Variants in MYH13 observed in about 807,000 individuals in gnomAD.
MYH13 encodes myosin heavy chain 13.
A neutral mutation model predicts 232.1 loss-of-function variants in MYH13; 177 were observed. That is an observed-to-expected ratio of 0.76 (90% CI 0.67 to 0.86). The LOEUF (loss-of-function observed/expected upper bound fraction) is 0.86, where lower values mean the gene tolerates loss of function less well. MYH13 is among the 40% of genes least tolerant of loss of function. MYH13 has a pLI of 0.00. For missense variants in MYH13, 2,246 were observed against 2,405.9 expected, an observed-to-expected ratio of 0.93 and a Z score of 1.39; for synonymous variants, 884 against 923.5, an observed-to-expected ratio of 0.96 and a Z score of 0.78.
At chr17:10,345,108 T>C (rs1417304516) in intron 15 of MYH13, 94 bp downstream of exon 15, 13 of 1,600,118 alleles carry the variant, frequency 8.1e-6, no homozygotes. Flanking sequence ...GCCTGGGGGC[T>C]AGGGGCCCCA....
intron 22 of MYH13, among the ~76,000 whole-genome samples, chr17:10,326,372 A>C (rs1165969416): frequency 6.6e-6 from 1 of 152,252 alleles, no homozygotes; most frequent in Non-Finnish European, 1.5e-5. Context: ...AAAAGGTAAA[A>C]GTATTTGGGG....
chr17:10,362,172 C>A lies in MYH13; in HGVS notation c.451G>T (p.Ala151Ser), dbSNP rs775424015. ...AAYRGKKRQE[A>S]PPHIFSISDN... ...GAGATGGAGAAGATGTGGGGCGGGG[C>A]CTCCTGGCGCTTTTTGCCTCTGTAG... is the stretch of plus-strand genomic sequence containing the variant. Residue 151 changes from alanine (A) to serine (S), a missense_variant, in exon 5 of 41, where the codon GCC (alanine) becomes TCC (serine). By Grantham distance (99) the Ala-to-Ser change is moderately conservative. Coordinates refer to ENST00000252172, the MANE Select transcript of MYH13 (RefSeq NM_003802.3). 3 of 1,613,742 alleles carry A rather than the reference C, an allele frequency of 1.9e-6. No homozygotes were observed. The highest frequency in any genetic ancestry group is 2.5e-6 in the Non-Finnish European group (3 of 1,179,882).
At chr17:10,349,613 G>A (rs1391012411) in intron 12 of MYH13, among the ~76,000 whole-genome samples, 1 of 152,018 alleles carries the variant, frequency 6.6e-6, no homozygotes, top group Non-Finnish European at 1.5e-5. Flanking sequence ...TGGTGTACAT[G>A]CCTTGTATAA....
In MYH13 at chr17:10,330,374, G is replaced by A. The variant is rs774467740; in HGVS notation, c.2435+13C>T. ...AGAGGGCAGGATAAGGTGGAGGTGA[G>A]GGTCTGTGTCACCTCCTCTCCATCA... On this transcript the variant is annotated intron_variant, in intron 21 of 40. Coordinates refer to ENST00000252172, the MANE Select transcript of MYH13 (RefSeq NM_003802.3). 1 of 1,613,396 alleles carries A rather than the reference G, an allele frequency of 6.2e-7. No individual in the cohort carries two copies. Among genetic ancestry groups the A allele is most frequent in the Non-Finnish European group, 8.5e-7 (1 of 1,179,702 alleles).
At chr17:10,327,833 TGTG>T (rs775865107) in intron 22 of MYH13, 30 bp downstream of exon 22, 23 of 1,596,702 alleles carry the variant, frequency 1.4e-5, no homozygotes, top group Non-Finnish European at 2.0e-5. Flanking sequence ...CTCCAGAGTC[TGTG>T]TTTTGCGTTC....
Position 10,306,751 on chromosome 17 carries a change from T to A in MYH13, c.5296-122A>T. 1 of 1,525,208 alleles carries A rather than the reference T, an allele frequency of 6.6e-7. No individual in the cohort carries two copies. The highest frequency in any genetic ancestry group is 2.3e-5 in the East Asian group (1 of 43,948). The allele number at this position is 1,525,208 out of a possible 1,614,324, so 94.5% of individuals were successfully genotyped here. ...CCCCTGTCTGACTGGGGCCAGTCAT[T>A]GCTGATTCCCCACAGCCTCCCCTCC... On this transcript the variant is annotated intron_variant, in intron 36 of 40. Coordinates refer to ENST00000252172, the MANE Select transcript of MYH13 (RefSeq NM_003802.3). This position sits in a 1 kb window ranked among gnomAD's most constrained non-coding sequence, Gnocchi z 4.3.
At position 10,321,717 on chromosome 17, in the gene MYH13, A is replaced by G. The variant is rs747277425; in HGVS notation, c.2935-9T>C. 9.4e-6 allele frequency: 15 copies of G among 1,603,518 alleles called. No individual in the cohort carries two copies. In the South Asian group the frequency reaches 1.2e-4, roughly 13 times the overall value. On this transcript the variant is annotated splice_polypyrimidine_tract_variant and intron_variant, in intron 23 of 40. Transcript: ENST00000252172. ...TCGGAAAGATTCTTTACCTGGGACA[A>G]TATTAACACCGATTTAATATGGAAA...
chr17:10,354,054 A>C (rs891094119), intron 11 of MYH13, among the ~76,000 whole-genome samples: 5 of 152,232 alleles, frequency 3.3e-5, no homozygotes, highest in Non-Finnish European at 7.3e-5. Flanking sequence ...AAATGGAGAC[A>C]ATAATGACAT....
At position 10,340,349 on chromosome 17, in the gene MYH13, C is replaced by T. The variant is rs2071611539; in HGVS notation, c.1947G>A (p.Gln649=). Residue 649 remains glutamine (Q), a synonymous_variant, in exon 17 of 41, where the codon CAG becomes CAA. Transcript: ENST00000252172. ...CAACCCTGAACACGGCCGACACGGT[C>T]TGGAAAGAGGAGCCCTTCTTCTTCC... The part of the protein sequence containing the change: ...KGGKKKGSSF[Q]TVSAVFRENL... 1 of 1,613,846 alleles carries T rather than the reference C, an allele frequency of 6.2e-7. No individual in the cohort carries two copies. Among genetic ancestry groups the T allele is most frequent in the Non-Finnish European group, 8.5e-7 (1 of 1,179,890 alleles).
chr17:10,338,476 T>C lies in MYH13; in HGVS notation c.2056+1674A>G, dbSNP rs985913480. 4.1e-4 allele frequency among the ~76,000 whole-genome samples: 61 copies of C among 150,390 alleles called. No individual in the cohort carries two copies. In the South Asian group the frequency reaches 4.8e-3, roughly 12 times the overall value. ...ATTTAAAGTTTATAGTTCTGAGTGA[T>C]AATAATAATAATAATAATTAGCATC... On this transcript the variant is annotated intron_variant, in intron 18 of 40. Coordinates refer to ENST00000252172, the MANE Select transcript of MYH13 (RefSeq NM_003802.3).
intron 1 of MYH13, 131 bp downstream of exon 1, chr17:10,372,848 C>T (rs562793671): frequency 6.6e-6 from 1 of 152,302 alleles, no homozygotes; most frequent in East Asian, 1.9e-4. Flanking sequence ...ACCTTGCCCT[C>T]AACACAAGAC....
intron 2 of MYH13, among the ~76,000 whole-genome samples, chr17:10,366,843 G>A (rs117362366): frequency 0.02 from 2,975 of 152,270 alleles, 47 homozygotes; most frequent in Non-Finnish European, 0.03. Flanking sequence ...ATTCTGTGGG[G>A]TTCTGTCTTA....
At position 10,312,619 on chromosome 17, in the gene MYH13, G is replaced by A; in HGVS notation, c.4320C>T (p.His1440=). 8 of 1,613,462 alleles carry A rather than the reference G, an allele frequency of 5.0e-6. No homozygotes were observed. The highest frequency in any genetic ancestry group is 6.8e-6 in the Non-Finnish European group (8 of 1,179,726). Residue 1440 remains histidine, a synonymous_variant, in exon 31 of 41, where the codon CAC becomes CAT. Coordinates refer to ENST00000252172, the MANE Select transcript of MYH13 (RefSeq NM_003802.3). ...EDLMRDLERS[H]TACATLDKKQ... is the part of the protein sequence containing the mutation. ...TCTTGTCCAGTGTGGCACAGGCGGTGTGGGAGCGCTCCAGATCCCGCATCA... is the reference window on the plus strand; with the variant it reads ...TCTTGTCCAGTGTGGCACAGGCGGTATGGGAGCGCTCCAGATCCCGCATCA...
Position 10,324,275 on chromosome 17 carries a change from C to G in MYH13, c.2692-11G>C. 1 of 1,612,686 alleles carries G rather than the reference C, an allele frequency of 6.2e-7. No homozygotes were observed. Among genetic ancestry groups the G allele is most frequent in the South Asian group, 1.1e-5 (1 of 90,754 alleles). On this transcript the variant is annotated splice_polypyrimidine_tract_variant and intron_variant, in intron 22 of 40. Transcript: ENST00000252172. ...CAGATTTTCTGTTTCCTGAAAGAAC[C>G]AGGTCATTTTATGTTTTGATTGGCC...
intron 2 of MYH13, among the ~76,000 whole-genome samples, chr17:10,369,266 A>G (rs1046642971): frequency 6.6e-6 from 1 of 152,202 alleles, no homozygotes; most frequent in African/African-American, 2.4e-5. Flanking sequence ...ATCAGAATTG[A>G]TGGAAATAGG....
At chr17:10,327,735 G>C (rs1907262092) in intron 22 of MYH13, 131 bp downstream of exon 22, 1 of 1,149,404 alleles carries the variant, frequency 8.7e-7, no homozygotes, top group African/African-American at 1.6e-5. Flanking sequence ...AGGTGGTGCT[G>C]CAATACTCCA....
intron 5 of MYH13, among the ~76,000 whole-genome samples, chr17:10,360,488 C>A (rs572874293): frequency 6.6e-6 from 1 of 152,168 alleles, no homozygotes; most frequent in Non-Finnish European, 1.5e-5. Context: ...CCTTTCCCAT[C>A]GCCCTTTTCC....
chr17:10,341,535 T>C (rs2071619633), intron 16 of MYH13: 1 of 152,250 alleles, frequency 6.6e-6, no homozygotes, highest in African/African-American at 2.4e-5. Context: ...CTACTTTTTC[T>C]GAATGACTCA....
At position 10,315,932 on chromosome 17, in the gene MYH13, T is replaced by C; in HGVS notation, c.3832A>G (p.Asn1278Asp). Residue 1278 changes from asparagine to aspartate, a missense_variant, in exon 28 of 41, where the codon AAC becomes GAC. By Grantham distance (23) the Asn-to-Asp change is conservative. Transcript: ENST00000252172. ...GTCTGCAGTCTTGCTTTCTGCATGT[T>C]CAGATCATGGATCAACTGTGTCTGT... The part of the protein sequence containing the change: ...EQQTQLIHDL[N>D]MQKARLQTQN... 1 of 1,614,028 alleles carries C rather than the reference T, an allele frequency of 6.2e-7. No individual in the cohort carries two copies. Among genetic ancestry groups the C allele is most frequent in the South Asian group, 1.1e-5 (1 of 91,086 alleles).
Sources: allele counts gnomAD v4.1 joint callset (sites outside exome capture counted in the v4.1 genomes callset), GRCh38; gene constraint gnomAD v4.1.1; non-coding constraint Gnocchi (gnomAD v3.1); transcripts MANE v1.5; gene names NCBI Gene and HGNC (gene_info 2026-07-23, HGNC 2026-07-21).